The following MDGA2 variants were observed in gnomAD, a reference collection of about 807,000 sequenced individuals.
MDGA2 encodes the protein MAM domain containing glycosylphosphatidylinositol anchor 2, also known as MAM domain-containing glycosylphosphatidylinositol anchor protein 2.
Under a neutral mutation model 117.8 loss-of-function variants are expected in MDGA2, and 40 were observed. That is an observed-to-expected ratio of 0.34 (90% confidence interval 0.26 to 0.44). The LOEUF (loss-of-function observed/expected upper bound fraction) is 0.44, where lower values mean the gene tolerates loss of function less well. MDGA2 is among the 20% of genes least tolerant of loss of function. The pLI, the probability that MDGA2 is intolerant of heterozygous loss-of-function variation, is 1.00. For synonymous variants in MDGA2, 452 were observed against 439.0 expected (o/e 1.03, Z -0.37); for missense variants, 1,123 against 1,250.6 (o/e 0.90, Z 1.54).
At chr14:47,532,679 A>C (rs1368356981) in intron 1 of MDGA2, among the ~76,000 whole-genome samples, 1 of 152,194 alleles carries the variant, frequency 6.6e-6, no homozygotes, top group East Asian at 1.9e-4. Context: ...TCTTTTTCAC[A>C]AGTCATACCA....
intron 1 of MDGA2, among the ~76,000 whole-genome samples, chr14:47,391,924 T>G (rs1354917491): frequency 1.3e-5 from 2 of 152,300 alleles, no homozygotes; most frequent in Non-Finnish European, 1.5e-5. Flanking sequence ...TTTATGTTAA[T>G]TATTCTCATA....
In MDGA2 at chr14:47,609,456, T is replaced by TATATATATATATAG. The variant is rs1434045282; in HGVS notation, c.280+65060_280+65061insCTATATATATATAT. The stretch of plus-strand genomic sequence containing the variant: ...ATATATATATATATATATATATATA[T>TATATATATATATAG]ATATATATAAGTTTCTTTATCTACT... On this transcript the variant is annotated intron_variant, in intron 1 of 16. Transcript: ENST00000399232. Among the ~76,000 whole-genome samples, 18 of 110,152 alleles carry TATATATATATATAG rather than the reference T, an allele frequency of 1.6e-4. 3 individuals are homozygous for TATATATATATATAG. Among genetic ancestry groups the TATATATATATATAG allele is most frequent in the Non-Finnish European group, 2.5e-4 (13 of 52,996 alleles). The allele number at this position is 110,152 out of a possible 152,430, so 72.3% of individuals were successfully genotyped here.
In MDGA2 at chr14:47,644,803, T is replaced by G. The variant is rs145093487; in HGVS notation, c.280+29714A>C. Among the ~76,000 whole-genome samples, 937 of 152,242 alleles carry G rather than the reference T, an allele frequency of 6.2e-3. 12 individuals carry two copies. Among genetic ancestry groups the G allele is most frequent in the African/African-American group, 0.021 (887 of 41,546 alleles). On this transcript the variant is annotated intron_variant, in intron 1 of 16. Coordinates refer to ENST00000399232, the MANE Select transcript of MDGA2 (RefSeq NM_001113498.3). ...TCACTACACATGTATATGGAAACAT[T>G]ACACTCTACTCCATAAATTTATGCA...
chr14:47,660,005 T>G (rs2138289020), intron 1 of MDGA2, among the ~76,000 whole-genome samples: 1 of 152,272 alleles, frequency 6.6e-6, no homozygotes, highest in African/African-American at 2.4e-5. Flanking sequence ...AAGCCATTGC[T>G]TAAAGAAGGA....
chr14:47,419,170 T>C (rs940761093), intron 1 of MDGA2, among the ~76,000 whole-genome samples: 2 of 152,132 alleles, frequency 1.3e-5, no homozygotes, highest in African/African-American at 4.8e-5. Context: ...TGAATATTTA[T>C]AAAGGGAATG....
chr14:47,307,091 G>C (rs1422406607), intron 1 of MDGA2, among the ~76,000 whole-genome samples: 1 of 152,058 alleles, frequency 6.6e-6, no homozygotes. Flanking sequence ...GTTACATTTA[G>C]CTAATCAGCA....
At chr14:47,542,236 G>T (rs188219557) in intron 1 of MDGA2, among the ~76,000 whole-genome samples, 1 of 152,192 alleles carries the variant, frequency 6.6e-6, no homozygotes, top group Non-Finnish European at 1.5e-5. Context: ...TGTGTTCCAT[G>T]ATTCTGCGAC....
intron 1 of MDGA2, among the ~76,000 whole-genome samples, chr14:47,555,759 A>C (rs1895670378): frequency 6.6e-6 from 1 of 152,210 alleles, no homozygotes. Flanking sequence ...GATTTCATTT[A>C]AACTGCTCCT....
intron 1 of MDGA2, among the ~76,000 whole-genome samples, chr14:47,389,064 A>T (rs183129080): frequency 2.6e-5 from 4 of 152,332 alleles, no homozygotes; most frequent in Admixed American, 2.6e-4. Flanking sequence ...TACTAATTAT[A>T]TAAAGTTATG....
intron 1 of MDGA2, among the ~76,000 whole-genome samples, chr14:47,417,680 G>A (rs2138500260): frequency 1.3e-5 from 2 of 152,050 alleles, no homozygotes; most frequent in South Asian, 4.2e-4. Context: ...TTAGTTACTT[G>A]TTACAATATC....
At chr14:47,118,443 C>T (rs1179507551) in intron 5 of MDGA2, among the ~76,000 whole-genome samples, 2 of 152,136 alleles carry the variant, frequency 1.3e-5, no homozygotes, top group Admixed American at 1.3e-4. Context: ...CCTATGAATT[C>T]ACTTCCTCTC....
chr14:47,029,561 C>T (rs561706218), intron 8 of MDGA2, among the ~76,000 whole-genome samples: 1 of 152,040 alleles, frequency 6.6e-6, no homozygotes, highest in African/African-American at 2.4e-5. Flanking sequence ...GGAGATTTAA[C>T]AGCAAAAGTG....
chr14:46,906,593 GATATAAATTAGAGT>G (rs1357103975), intron 10 of MDGA2, among the ~76,000 whole-genome samples: 1 of 152,048 alleles, frequency 6.6e-6, no homozygotes, highest in Non-Finnish European at 1.5e-5. Context: ...TTCTATCACT[GATATAAATTAGAGT>G]ATATATTTAC....
At chr14:46,893,333 A>T (rs540525207) in intron 10 of MDGA2, among the ~76,000 whole-genome samples, 16 of 152,124 alleles carry the variant, frequency 1.1e-4, no homozygotes, top group African/African-American at 3.9e-4. Context: ...AGAACATGGA[A>T]AAATGGCTAC....
chr14:47,482,607 G>T (rs995518418), intron 1 of MDGA2, among the ~76,000 whole-genome samples: 1 of 152,002 alleles, frequency 6.6e-6, no homozygotes. Context: ...TAAATTTCTA[G>T]ATTATACTAC....
chr14:47,471,851 G>A (rs1893734936), intron 1 of MDGA2, among the ~76,000 whole-genome samples: 1 of 152,034 alleles, frequency 6.6e-6, no homozygotes, highest in Admixed American at 6.6e-5. Context: ...GAAGTTAATA[G>A]CTGAAAAATC....
intron 1 of MDGA2, among the ~76,000 whole-genome samples, chr14:47,302,727 G>C (rs1889323243): frequency 6.6e-6 from 1 of 152,090 alleles, no homozygotes; most frequent in African/African-American, 2.4e-5. Context: ...GGGAAAAGCT[G>C]TGTTCTGAAA....
chr14:47,257,018 GA>G (rs1887644407), intron 2 of MDGA2, among the ~76,000 whole-genome samples: 1 of 152,088 alleles, frequency 6.6e-6, no homozygotes, highest in South Asian at 2.1e-4. Flanking sequence ...AATGGGGAAA[GA>G]AAAGGATATA....
intron 3 of MDGA2, among the ~76,000 whole-genome samples, chr14:47,161,557 A>T (rs1448449974): frequency 2.0e-5 from 3 of 151,734 alleles, no homozygotes; most frequent in Non-Finnish European, 4.4e-5. Flanking sequence ...ATATATACAT[A>T]TATTTAGTCA....
Sources: allele counts gnomAD v4.1 joint callset (sites outside exome capture counted in the v4.1 genomes callset), GRCh38; gene constraint gnomAD v4.1.1; transcripts MANE v1.5; gene names NCBI Gene and HGNC (gene_info 2026-07-23, HGNC 2026-07-21).